The following MARCHF3 variants were observed in gnomAD, a reference collection of about 807,000 sequenced individuals.
The protein encoded by MARCHF3 is E3 ubiquitin-protein ligase MARCHF3.
MARCHF3 carries 13 observed loss-of-function variants against 24.2 expected under a neutral mutation model. That is an observed-to-expected ratio of 0.54 (90% confidence interval 0.35 to 0.85). The LOEUF (loss-of-function observed/expected upper bound fraction) is 0.85. Ranked by LOEUF, MARCHF3 falls within the 40% of genes least tolerant of loss-of-function variation. The pLI, the probability that MARCHF3 is intolerant of heterozygous loss-of-function variation, is 0.01. For missense variants in MARCHF3, 276 were observed against 325.0 expected (o/e 0.85, Z 1.16); for synonymous variants, 144 against 137.3 (o/e 1.05, Z -0.34).
At chr5:126,956,665 A>AAC (rs1561446061) in intron 1 of MARCHF3, among the ~76,000 whole-genome samples, 28 of 144,760 alleles carry the variant, frequency 1.9e-4, no homozygotes, top group African/African-American at 6.9e-4. Context: ...AAAAAAAAAA[A>AAC]AAAAAACCAA....
intron 1 of MARCHF3, among the ~76,000 whole-genome samples, chr5:126,934,321 G>C (rs1749568771): frequency 6.6e-6 from 1 of 152,090 alleles, no homozygotes; most frequent in Non-Finnish European, 1.5e-5. Context: ...ATCCAGGTTA[G>C]GTGACACAAT....
intron 1 of MARCHF3, among the ~76,000 whole-genome samples, chr5:126,982,244 C>T (rs1751419303): frequency 6.6e-6 from 1 of 152,242 alleles, no homozygotes; most frequent in South Asian, 2.1e-4. Flanking sequence ...TCCTCAGTGA[C>T]ACCCCTGGCC....
intron 3 of MARCHF3, chr5:126,898,900 C>A: frequency 1.0e-6 from 1 of 985,070 alleles, no homozygotes; most frequent in Non-Finnish European, 1.2e-6. Context: ...AATCTGACTT[C>A]AATCTTCACA....
intron 3 of MARCHF3, among the ~76,000 whole-genome samples, chr5:126,888,329 C>T (rs945752662): frequency 5.3e-5 from 8 of 152,160 alleles, no homozygotes; most frequent in African/African-American, 1.4e-4. Context: ...AATTAACGGG[C>T]TATAATGCTC....
intron 1 of MARCHF3, among the ~76,000 whole-genome samples, chr5:127,012,549 AATG>A (rs1211365809): frequency 6.6e-6 from 1 of 152,190 alleles, no homozygotes; most frequent in Non-Finnish European, 1.5e-5. Flanking sequence ...ACTTATTAAT[AATG>A]ATAAAAAGAG....
At chr5:126,987,317 C>G (rs967537061) in intron 1 of MARCHF3, among the ~76,000 whole-genome samples, 1 of 152,006 alleles carries the variant, frequency 6.6e-6, no homozygotes, top group Non-Finnish European at 1.5e-5. Flanking sequence ...ACATTTGATA[C>G]GAGGGTAAAT....
chr5:126,882,945 A>G (rs1753389151), intron 3 of MARCHF3, among the ~76,000 whole-genome samples: 1 of 152,238 alleles, frequency 6.6e-6, no homozygotes, highest in African/African-American at 2.4e-5. Flanking sequence ...TCTAGCTCCA[A>G]AGACTGTGCC....
At chr5:126,940,357 C>A (rs2126809241) in intron 1 of MARCHF3, among the ~76,000 whole-genome samples, 1 of 152,294 alleles carries the variant, frequency 6.6e-6, no homozygotes, top group Middle Eastern at 3.4e-3. Flanking sequence ...CTAATAGCCT[C>A]AATTAATCTT....
At chr5:126,896,465 C>G (rs926551267) in intron 3 of MARCHF3, among the ~76,000 whole-genome samples, 16 of 152,128 alleles carry the variant, frequency 1.1e-4, no homozygotes, top group African/African-American at 3.6e-4. Flanking sequence ...CGGGAAAGCT[C>G]TGCTCCAACT....
intron 1 of MARCHF3, among the ~76,000 whole-genome samples, chr5:126,968,244 G>C (rs543328545): frequency 2.0e-5 from 3 of 152,164 alleles, no homozygotes; most frequent in Non-Finnish European, 4.4e-5. Flanking sequence ...ATTCTACTGG[G>C]TATGCACCTA....
intron 1 of MARCHF3, among the ~76,000 whole-genome samples, chr5:126,989,962 A>G (rs188744580): frequency 6.6e-6 from 1 of 152,258 alleles, no homozygotes; most frequent in Admixed American, 6.5e-5. Context: ...CATCTCTACT[A>G]AAAATACAAA....
chr5:127,026,048 T>G (rs1306591131), intron 1 of MARCHF3, among the ~76,000 whole-genome samples: 1 of 151,644 alleles, frequency 6.6e-6, no homozygotes, highest in Non-Finnish European at 1.5e-5. Context: ...ATAAAAAACT[T>G]GAAAAGAACT....
At chr5:126,985,821 AAC>A (rs1751547806) in intron 1 of MARCHF3, among the ~76,000 whole-genome samples, 1 of 152,106 alleles carries the variant, frequency 6.6e-6, no homozygotes, top group African/African-American at 2.4e-5. Context: ...GGGTTCTGAA[AAC>A]ACACAGTTGT....
intron 1 of MARCHF3, among the ~76,000 whole-genome samples, chr5:127,020,765 T>C (rs903330731): frequency 6.6e-6 from 1 of 152,032 alleles, no homozygotes; most frequent in Non-Finnish European, 1.5e-5. Flanking sequence ...GTGGGAGAAC[T>C]GCTTGAGCTC....
intron 3 of MARCHF3, among the ~76,000 whole-genome samples, chr5:126,912,649 C>G (rs1469865598): frequency 6.6e-6 from 1 of 152,106 alleles, no homozygotes; most frequent in East Asian, 1.9e-4. Flanking sequence ...ATAAACTGCC[C>G]TCTGATAAGA....
At chr5:126,941,011 C>T (rs539528667) in intron 1 of MARCHF3, among the ~76,000 whole-genome samples, 8 of 152,004 alleles carry the variant, frequency 5.3e-5, no homozygotes, top group South Asian at 2.1e-4. Context: ...AAATGGAAGT[C>T]GGAAACTTTA....
intron 1 of MARCHF3, among the ~76,000 whole-genome samples, chr5:126,996,303 T>C (rs544948779): frequency 6.6e-6 from 1 of 152,270 alleles, no homozygotes; most frequent in African/African-American, 2.4e-5. Flanking sequence ...GAACCAGTTA[T>C]CTGATTTGGC....
At chr5:126,939,829 T>C (rs997072310) in intron 1 of MARCHF3, among the ~76,000 whole-genome samples, 2 of 152,200 alleles carry the variant, frequency 1.3e-5, no homozygotes, top group African/African-American at 4.8e-5. Flanking sequence ...TGCGGGTCTC[T>C]GCTTGAAGAC....
At chr5:126,878,969 A>G (rs1753262418) in intron 3 of MARCHF3, among the ~76,000 whole-genome samples, 1 of 152,170 alleles carries the variant, frequency 6.6e-6, no homozygotes, top group South Asian at 2.1e-4. Context: ...TTATGCCAAC[A>G]ATGTGATTTA....
Sources: gnomAD v4.1 joint callset for allele counts (sites outside exome capture counted in the v4.1 genomes callset) on GRCh38, gnomAD v4.1.1 for gene constraint, MANE v1.5 for transcripts, NCBI Gene and HGNC (gene_info 2026-07-23, HGNC 2026-07-21) for gene names.